ADH5: variants seen among roughly 807,000 people sequenced by gnomAD.
The protein encoded by ADH5 is alcohol dehydrogenase class-3.
Under a neutral mutation model 40.3 loss-of-function variants are expected in ADH5, and 32 were observed. That is an observed-to-expected ratio of 0.79 (90% CI 0.60 to 1.07). ADH5 has a LOEUF of 1.07. Among genes scored for constraint, ADH5 ranks in the 50% least tolerant of loss-of-function variants. The pLI is 0.00. For missense variants in ADH5, 353 were observed against 460.5 expected (o/e 0.77, Z 2.14); for synonymous variants, 125 against 154.3 (o/e 0.81, Z 1.41).
chr4:99,072,770 G>A, intron 7 of ADH5, 59 bp from the exon 8 acceptor site: 1 of 1,504,806 alleles, frequency 6.6e-7, no homozygotes, highest in Non-Finnish European at 9.0e-7. Context: ...TTGTTACTTA[G>A]CTGAGGACAA....
chr4:99,083,966 T>G (rs1017344042), intron 2 of ADH5, among the ~76,000 whole-genome samples: 1 of 152,206 alleles, frequency 6.6e-6, no homozygotes, highest in African/African-American at 2.4e-5. Flanking sequence ...TGAGAAGCAC[T>G]AGAATAATGA....
At chr4:99,083,599 CCAAAAAAAAAA>C (rs1356400883) in intron 2 of ADH5, among the ~76,000 whole-genome samples, 11 of 45,522 alleles carry the variant, frequency 2.4e-4, no homozygotes, top group Admixed American at 2.0e-3. Flanking sequence ...AACTCTGTCT[CCAAAAAAAAAA>C]AAAAAAAAAA....
chr4:99,085,544 C>T, intron 1 of ADH5: 1 of 322,356 alleles, frequency 3.1e-6, no homozygotes, highest in Non-Finnish European at 6.2e-6. Context: ...GCAGGTCTGG[C>T]ATGGGGTCCA....
rs770013922 is a variant in ADH5, at chr4:99,075,056, GCA to G, written c.826-9_826-8del. ...ATGCCTCAAGTGCTGCTCTCTGCAG[GCA>G]CAGAGATATGACCAAATCACAGAAG... On this transcript the variant is annotated splice_polypyrimidine_tract_variant and splice_region_variant and intron_variant, in intron 6 of 8. Coordinates refer to ENST00000296412, the MANE Select transcript of ADH5 (RefSeq NM_000671.4). 2 of 1,595,334 alleles carry G rather than the reference GCA, an allele frequency of 1.3e-6. No individual in the cohort carries two copies. Among genetic ancestry groups the G allele is most frequent in the South Asian group, 1.1e-5 (1 of 88,184 alleles).
chr4:99,082,007 C>G lies in ADH5; in HGVS notation c.224G>C (p.Ser75Thr). Residue 75 changes from serine (S) to threonine (T), a missense_variant, in exon 3 of 9, where the codon AGT (serine) becomes ACT (threonine). Physicochemically the swap from Ser to Thr is moderately conservative, Grantham distance 58 (BLOSUM62 1). Transcript: ENST00000296412. ...LGHEGAGIVE[S>T]VGEGVTKLKA... ...CAGCTTAGTAACTCCCTCACCAACA[C>G]TTTCCACAATTCCAGCACCTTCATG... The G allele has an allele frequency of 6.2e-7, 1 of 1,613,884 alleles. No individual in the cohort carries two copies. Among genetic ancestry groups the G allele is most frequent in the East Asian group, 2.2e-5 (1 of 44,880 alleles).
chr4:99,071,990 C>G lies in ADH5; in HGVS notation c.*427G>C, dbSNP rs1358441650. 3.7e-5 allele frequency: 6 copies of G among 163,630 alleles called. No homozygotes were observed. In the Admixed American group the frequency reaches 3.8e-4, roughly 10 times the overall value. 10.1% of individuals were successfully genotyped at this position (163,630 alleles called of 1,614,324 possible). The stretch of plus-strand genomic sequence containing the variant: ...TTGTCACTGATGGCTAGGATCTGTT[C>G]TTTAATCAACGGGGACTGAGACCCT... On this transcript the variant is annotated 3_prime_UTR_variant, in exon 9 of 9. Transcript: ENST00000296412.
intron 7 of ADH5, among the ~76,000 whole-genome samples, 192 bp downstream of exon 7, chr4:99,074,722 C>A (rs374598757): frequency 2.0e-5 from 3 of 152,140 alleles, no homozygotes; most frequent in Non-Finnish European, 2.9e-5. Context: ...ACCCTCCCCC[C>A]CAAGTCCCAG....
intron 3 of ADH5, 75 bp downstream of exon 3, chr4:99,081,900 G>C: frequency 6.6e-7 from 1 of 1,515,388 alleles, no homozygotes; most frequent in East Asian, 2.3e-5. Context: ...ATAGTGGGTA[G>C]TTTTATCAGA....
At chr4:99,077,523 G>A (rs1435452985) in intron 4 of ADH5, among the ~76,000 whole-genome samples, 1 of 152,050 alleles carries the variant, frequency 6.6e-6, no homozygotes. Flanking sequence ...AACAACCTCT[G>A]TGAGCAAATA....
At chr4:99,079,185 A>G (rs181686650) in intron 4 of ADH5, among the ~76,000 whole-genome samples, 201 of 152,318 alleles carry the variant, frequency 1.3e-3, no homozygotes, top group Non-Finnish European at 2.3e-3. Flanking sequence ...TATCCATCAA[A>G]AGACATGTAT....
intron 7 of ADH5, 69 bp from the exon 8 acceptor site, chr4:99,072,780 A>C: frequency 7.0e-7 from 1 of 1,426,310 alleles, no homozygotes; most frequent in Non-Finnish European, 9.5e-7. Context: ...GCTGAGGACA[A>C]AAGGCATTTA....
chr4:99,079,270 G>C lies in ADH5; in HGVS notation c.344+2095C>G, dbSNP rs375728621. On this transcript the variant is annotated intron_variant, in intron 4 of 8. Coordinates refer to ENST00000296412, the MANE Select transcript of ADH5 (RefSeq NM_000671.4). ...GTAATCTAAATGTCCATCAACAGGA[G>C]AATGGATCAATACTGGTATTTTGAA... Among the ~76,000 whole-genome samples, 7 of 152,190 alleles carry C rather than the reference G, an allele frequency of 4.6e-5. No homozygotes were observed. In the East Asian group the frequency reaches 1.2e-3, roughly 25 times the overall value.
chr4:99,088,785 C>A lies in ADH5; in HGVS notation c.-85G>T. On this transcript the variant is annotated 5_prime_UTR_variant, in exon 1 of 9. Coordinates refer to ENST00000296412, the MANE Select transcript of ADH5 (RefSeq NM_000671.4). ...AGGCATGGGCGTGGCGAGCGCCTAG[C>A]GAGGGGGGCGGGGCGTGGGGGGGGC... 4.1e-6 allele frequency: 1 copy of A among 246,692 alleles called. No homozygotes were observed. The highest frequency in any genetic ancestry group is 6.5e-6 in the Non-Finnish European group (1 of 153,908). 15.3% of individuals were successfully genotyped at this position (246,692 alleles called of 1,614,324 possible). A position where few individuals can be genotyped will look rare whatever the true frequency, so the allele number is the denominator to read the frequency against.
intron 4 of ADH5, chr4:99,080,086 A>T: frequency 2.5e-6 from 1 of 405,614 alleles, no homozygotes; most frequent in East Asian, 7.9e-5. Flanking sequence ...ATATGAACAA[A>T]TATTTACAGT....
At chr4:99,076,136 C>G (rs1459490143) in intron 6 of ADH5, 156 bp downstream of exon 6, 1 of 700,880 alleles carries the variant, frequency 1.4e-6, no homozygotes, top group African/African-American at 1.8e-5. Flanking sequence ...TGTATCATTT[C>G]CCATTGTAGT....
rs550931476 is a variant in ADH5 at position 99,088,681 on chromosome 4, G to C, written c.12+8C>G. The C allele has an allele frequency of 1.1e-5, 17 of 1,606,794 alleles. No homozygotes were observed. The highest frequency in any genetic ancestry group is 1.4e-5 in the Non-Finnish European group (17 of 1,175,926). On this transcript the variant is annotated splice_region_variant and intron_variant, in intron 1 of 8. Coordinates refer to ENST00000296412, the MANE Select transcript of ADH5 (RefSeq NM_000671.4). ...TGGACTCAGGGCCCTCCGCTCAACG[G>C]GCCCTACCTCGTTCGCCATGTTCAC...
chr4:99,074,258 A>T (rs1393588348), intron 7 of ADH5, among the ~76,000 whole-genome samples: 3 of 152,216 alleles, frequency 2.0e-5, no homozygotes, highest in African/African-American at 7.2e-5. Flanking sequence ...TTCATTCACA[A>T]CTGTTGGGAA....
rs1727828139 is a variant in ADH5, at chr4:99,071,261, T to C, written c.*1156A>G. The C allele has an allele frequency of 6.6e-6, 1 of 152,254 alleles. No homozygotes were observed. Among genetic ancestry groups the C allele is most frequent in the South Asian group, 2.1e-4 (1 of 4,836 alleles). The allele number at this position is 152,254 out of a possible 1,614,324, so 9.4% of individuals were successfully genotyped here. ...ATAATAAAACACCATTCCATACTCA[T>C]GTAATTCACAAAAACTCACATTTAC... On this transcript the variant is annotated 3_prime_UTR_variant, in exon 9 of 9. Transcript: ENST00000296412.
At position 99,072,699 on chromosome 4, in the gene ADH5, A is replaced by G. The variant is rs1391578296; in HGVS notation, c.974T>C (p.Val325Ala). ...AGACACCAACTTTGGGACACTTTCTACACTCTTCCATCCTAAAAGAAATCA... is the reference window on the plus strand; with the variant it reads ...AGACACCAACTTTGGGACACTTTCTGCACTCTTCCATCCTAAAAGAAATCA... ...KGTAFGGWKS[V>A]ESVPKLVSEY... Residue 325 changes from valine to alanine, a missense_variant, in exon 8 of 9, where the codon GTA becomes GCA. Coordinates refer to ENST00000296412, the MANE Select transcript of ADH5 (RefSeq NM_000671.4). 6.2e-7 allele frequency: 1 copy of G among 1,610,522 alleles called. No individual in the cohort carries two copies. The highest frequency in any genetic ancestry group is 1.7e-5 in the Admixed American group (1 of 59,244).
Sources: gnomAD v4.1 joint callset for allele counts (sites outside exome capture counted in the v4.1 genomes callset) on GRCh38, gnomAD v4.1.1 for gene constraint, MANE v1.5 for transcripts, NCBI Gene and HGNC (gene_info 2026-07-23, HGNC 2026-07-21) for gene names.